The following USP35 variants were observed in gnomAD, a reference collection of about 807,000 sequenced individuals.
The protein encoded by USP35 is ubiquitin specific peptidase 35, also known as ubiquitin carboxyl-terminal hydrolase 35.
In USP35, 69 loss-of-function variants were observed where a neutral mutation model predicts 83.8. The observed-to-expected ratio is 0.82, with a 90% CI of 0.68 to 1.01. The LOEUF is 1.01. Ranked by LOEUF, USP35 falls within the 50% of genes least tolerant of loss-of-function variation. The pLI is 0.00. For missense variants in USP35, 1,503 were observed against 1,362.5 expected (o/e 1.10, Z -1.62); for synonymous variants, 714 against 589.5 (o/e 1.21, Z -3.06).
chr11:78,213,939 A>G lies in USP35; in HGVS notation c.*126A>G, dbSNP rs908458448. 5.7e-5 allele frequency: 61 copies of G among 1,069,248 alleles called. No individual in the cohort carries two copies. Among genetic ancestry groups the G allele is most frequent in the Non-Finnish European group, 2.6e-6 (2 of 778,532 alleles). 66.2% of individuals were successfully genotyped at this position (1,069,248 alleles called of 1,614,324 possible). On this transcript the variant is annotated 3_prime_UTR_variant, in exon 11 of 11. Transcript: ENST00000529308. ...TCATGGCACCTTAGTCCTCAGCCTG[A>G]TGAAGGGTACACAGAGATTCTCTCA...
rs190931336 is a variant in USP35, at chr11:78,209,531, C to A, written c.1676C>A (p.Pro559Gln). Reference protein sequence around the residue: ...SSSPSPPEEPPAPSSTSVEKM... With the variant: ...SSSPSPPEEPQAPSSTSVEKM... ...TCGCCCTCTCCGCCCGAGGAGCCCC[C>A]GGCCCCAAGTTCAACCTCTGTGGAA... is the stretch of plus-strand genomic sequence containing the variant. Residue 559 changes from proline to glutamine, a missense_variant, in exon 10 of 11, where the codon CCG (proline) becomes CAG (glutamine). Coordinates refer to ENST00000529308, the MANE Select transcript of USP35 (RefSeq NM_020798.4). The A allele has an allele frequency of 1.9e-6, 3 of 1,614,098 alleles. No individual in the cohort carries two copies. Among genetic ancestry groups the A allele is most frequent in the African/African-American group, 1.3e-5 (1 of 75,034 alleles).
rs2512527 is a variant in USP35 at position 78,209,817 on chromosome 11, C to G, written c.1962C>G (p.Pro654=). Residue 654 remains proline, a synonymous_variant, in exon 10 of 11, where the codon CCC becomes CCG. Transcript: ENST00000529308. ...ACTGCATCACAGAGGACACCCCCCC[C>G]ACCAGCCTGTACATCGAAGGCCTGG... ...RKHCITEDTP[P]TSLYIEGLDS... is the part of the protein sequence containing the mutation. 12 of 1,612,966 alleles carry G rather than the reference C, an allele frequency of 7.4e-6. No homozygotes were observed. Among genetic ancestry groups the G allele is most frequent in the Admixed American group, 1.7e-5 (1 of 59,752 alleles).
chr11:78,203,322 T>C (rs1863417358), intron 6 of USP35, among the ~76,000 whole-genome samples: 1 of 152,030 alleles, frequency 6.6e-6, no homozygotes, highest in Non-Finnish European at 1.5e-5. Context: ...AGTGGGAACA[T>C]GTGAGGTTAG....
At chr11:78,225,668 A>G in the USP35 span, among the ~76,000 whole-genome samples, 1 of 152,236 alleles carries the variant, frequency 6.6e-6, no homozygotes, top group African/African-American at 2.4e-5. Flanking sequence ...GATGGATTGA[A>G]AGACGGCAAA....
chr11:78,222,710 G>C, the USP35 span, among the ~76,000 whole-genome samples: 2 of 152,130 alleles, frequency 1.3e-5, no homozygotes, highest in Non-Finnish European at 2.9e-5. Flanking sequence ...AGCCTCCCTA[G>C]TAGCTGGGAC....
At chr11:78,195,686 C>T (rs774131378) in intron 1 of USP35, among the ~76,000 whole-genome samples, 1 of 152,142 alleles carries the variant, frequency 6.6e-6, no homozygotes, top group Admixed American at 6.5e-5. Flanking sequence ...AGGAGGCTCA[C>T]GTAGCCTTTG....
intron 1 of USP35, among the ~76,000 whole-genome samples, chr11:78,190,841 T>G (rs1257633035): frequency 6.6e-6 from 1 of 152,134 alleles, no homozygotes; most frequent in Non-Finnish European, 1.5e-5. Context: ...AAAGTAGCAG[T>G]CAGGAAAAAG....
chr11:78,213,757 G>C lies in USP35; in HGVS notation c.3001G>C (p.Gly1001Arg). ...CAAGGATGAGGATGAAGGCTCTCCA[G>C]GGGGCTGCAATCCTGCAGGTGGCAA... Reference protein sequence around the residue: ...EDKDEDEGSPGGCNPAGGNGG... With the variant: ...EDKDEDEGSPRGCNPAGGNGG... Residue 1001 changes from glycine (G) to arginine (R), a missense_variant, in exon 11 of 11, where the codon GGG (glycine) becomes CGG (arginine). Physicochemically the swap from Gly to Arg is moderately radical, Grantham distance 125. Transcript: ENST00000529308. 6.5e-7 allele frequency: 1 copy of C among 1,544,454 alleles called. No homozygotes were observed. The highest frequency in any genetic ancestry group is 8.7e-7 in the Non-Finnish European group (1 of 1,154,416).
the USP35 span, among the ~76,000 whole-genome samples, chr11:78,230,058 A>G: frequency 6.6e-6 from 1 of 152,244 alleles, no homozygotes; most frequent in Non-Finnish European, 1.5e-5. Flanking sequence ...TCCTTGAGGA[A>G]AGAAACTGTG....
At chr11:78,226,589 T>G in the USP35 span, 1 of 930,274 alleles carries the variant, frequency 1.1e-6, no homozygotes, top group Non-Finnish European at 1.6e-6. Context: ...GAGGTGTTTC[T>G]GCCTGACTTG....
At chr11:78,204,496 A>C (rs1863475366) in intron 6 of USP35, among the ~76,000 whole-genome samples, 1 of 152,094 alleles carries the variant, frequency 6.6e-6, no homozygotes, top group Non-Finnish European at 1.5e-5. Context: ...AGTTATTTTG[A>C]AGTTTTTATT....
chr11:78,193,744 AAACAAC>A lies in USP35; in HGVS notation c.-10-2477_-10-2472del, dbSNP rs147049294. ...AGATGAGCCACATTCAAAGAGTCAA[AAACAAC>A]AACAACAACAACAAAACCCAGAATC... On this transcript the variant is annotated intron_variant, in intron 1 of 10. Coordinates refer to ENST00000529308, the MANE Select transcript of USP35 (RefSeq NM_020798.4). Among the ~76,000 whole-genome samples, 4 of 151,778 alleles carry A rather than the reference AAACAAC, an allele frequency of 2.6e-5. No individual in the cohort carries two copies. In the East Asian group the frequency reaches 5.8e-4, roughly 22 times the overall value.
chr11:78,196,949 C>T lies in USP35; in HGVS notation c.673+31C>T. On this transcript the variant is annotated intron_variant, in intron 2 of 10. Coordinates refer to ENST00000529308, the MANE Select transcript of USP35 (RefSeq NM_020798.4). The surrounding 1 kb of genome is among the most constrained non-coding windows in gnomAD (Gnocchi z 4.8). Reference sequence around the variant, plus strand: ...TGTGCGGCCGGGGCAGGAGCGCGGGCATGCGGAGGTCCTGGGTGGGCGCTT... The same window carrying T: ...TGTGCGGCCGGGGCAGGAGCGCGGGTATGCGGAGGTCCTGGGTGGGCGCTT... 5.6e-6 allele frequency: 8 copies of T among 1,428,518 alleles called. No homozygotes were observed. The highest frequency in any genetic ancestry group is 7.3e-6 in the Non-Finnish European group (8 of 1,095,158). The allele number at this position is 1,428,518 out of a possible 1,614,324, so 88.5% of individuals were successfully genotyped here. A position where few individuals can be genotyped will look rare whatever the true frequency, so the allele number is the denominator to read the frequency against.
intron 10 of USP35, among the ~76,000 whole-genome samples, chr11:78,211,973 T>C (rs2512525): frequency 0.17 from 25,633 of 152,260 alleles, 2,701 homozygotes; most frequent in East Asian, 0.41. Context: ...TGTTTGCTTT[T>C]GTTGCAATTG....
At position 78,210,100 on chromosome 11, in the gene USP35, G is replaced by A. The variant is rs371278916; in HGVS notation, c.2245G>A (p.Gly749Arg). 1.2e-5 allele frequency: 19 copies of A among 1,613,948 alleles called. No homozygotes were observed. The highest frequency in any genetic ancestry group is 4.5e-5 in the East Asian group (2 of 44,878). ...GTHPDAAIPS[G>R]ERTCGSEGSR... ...CCACCCGGATGCTGCCATCCCCTCCGGGGAGCGGACATGTGGCTCTGAGGG... is the reference window on the plus strand; with the variant it reads ...CCACCCGGATGCTGCCATCCCCTCCAGGGAGCGGACATGTGGCTCTGAGGG... The change falls in exon 10 of 11, where the codon GGG becomes AGG. Residue 749 changes from glycine (G) to arginine (R), a missense_variant. Gly to Arg is a moderately radical substitution (Grantham distance 125, BLOSUM62 -2). Transcript: ENST00000529308.
At chr11:78,235,544 C>G in the USP35 span, among the ~76,000 whole-genome samples, 5 of 152,308 alleles carry the variant, frequency 3.3e-5, no homozygotes, top group East Asian at 7.7e-4. Context: ...TTTAACGATA[C>G]CCAAGTCACC....
chr11:78,213,599 C>T (rs746118333), intron 10 of USP35, 47 bp from the exon 11 acceptor site: 8 of 1,435,866 alleles, frequency 5.6e-6, no homozygotes, highest in African/African-American at 1.5e-5. Context: ...ACTCTGGCTT[C>T]AGGGTGTGAA....
downstream of USP35, chr11:78,216,141 T>C (rs1271867052): frequency 1.3e-5 from 2 of 152,634 alleles, no homozygotes; most frequent in East Asian, 3.8e-4. Flanking sequence ...GCGCAGCTAA[T>C]CCAACCTCCC....
At chr11:78,198,603 C>T (rs989258832) in intron 3 of USP35, 14 of 985,324 alleles carry the variant, frequency 1.4e-5, no homozygotes, top group Non-Finnish European at 1.7e-5. Flanking sequence ...ATGCAGACCC[C>T]GTCCACCTGG....
Sources: gnomAD v4.1 joint callset for allele counts (sites outside exome capture counted in the v4.1 genomes callset) on GRCh38, gnomAD v4.1.1 for gene constraint, Gnocchi (gnomAD v3.1) non-coding constraint, MANE v1.5 for transcripts, NCBI Gene and HGNC (gene_info 2026-07-23, HGNC 2026-07-21) for gene names.